SLC35F1: variants seen among roughly 807,000 people sequenced by gnomAD.
SLC35F1 encodes solute carrier family 35 member F1.
Under a neutral mutation model 48.7 loss-of-function variants are expected in SLC35F1, and 14 were observed. That is an observed-to-expected ratio of 0.29 (90% CI 0.19 to 0.45). The LOEUF (loss-of-function observed/expected upper bound fraction) is 0.45. Ranked by LOEUF, SLC35F1 falls within the 20% of genes least tolerant of loss-of-function variation. The pLI, the probability that SLC35F1 is intolerant of heterozygous loss-of-function variation, is 1.00. For missense variants in SLC35F1, 404 were observed against 500.0 expected, an observed-to-expected ratio of 0.81 and a Z score of 1.83; for synonymous variants, 190 against 202.2, an observed-to-expected ratio of 0.94 and a Z score of 0.51.
chr6:118,245,613 C>A (rs1470635449), intron 3 of SLC35F1, among the ~76,000 whole-genome samples: 1 of 152,192 alleles, frequency 6.6e-6, no homozygotes, highest in African/African-American at 2.4e-5. Flanking sequence ...GATGTGAATG[C>A]ATTTGGTTTC....
chr6:118,158,003 A>T (rs2114474856), intron 2 of SLC35F1, among the ~76,000 whole-genome samples: 1 of 152,298 alleles, frequency 6.6e-6, no homozygotes, highest in South Asian at 2.1e-4. Context: ...GAGGCTAAGG[A>T]CTAGGAGCAG....
rs1316086774 is a variant in SLC35F1 at position 118,112,781 on chromosome 6, G to A, written c.174-41664G>A. 1.6e-4 allele frequency among the ~76,000 whole-genome samples: 25 copies of A among 152,220 alleles called. 1 individual carries two copies. The highest frequency in any genetic ancestry group is 1.3e-3 in the Admixed American group (20 of 15,290). On this transcript the variant is annotated intron_variant, in intron 1 of 7. Coordinates refer to ENST00000360388, the MANE Select transcript of SLC35F1 (RefSeq NM_001029858.4). ...ATGTAAAATGCTTAAAACCGAAGAA[G>A]CCAGAAAAAGAGTGGAAGACAACCA...
chr6:118,110,407 C>G (rs2484142), intron 1 of SLC35F1, among the ~76,000 whole-genome samples: 4,740 of 152,158 alleles, frequency 0.031, 179 homozygotes, highest in African/African-American at 0.08. Flanking sequence ...TCAGGGAGAA[C>G]TGACATGAGA....
At chr6:118,308,997 G>A (rs1255587475) in intron 7 of SLC35F1, among the ~76,000 whole-genome samples, 1 of 152,120 alleles carries the variant, frequency 6.6e-6, no homozygotes, top group Non-Finnish European at 1.5e-5. Context: ...GATAGCCTTG[G>A]GAACATCTGA....
At chr6:118,262,766 G>T (rs1339858351) in intron 3 of SLC35F1, among the ~76,000 whole-genome samples, 2 of 152,126 alleles carry the variant, frequency 1.3e-5, no homozygotes, top group Non-Finnish European at 2.9e-5. Context: ...CAAACTTAAT[G>T]CAACCAACTG....
intron 2 of SLC35F1, among the ~76,000 whole-genome samples, chr6:118,158,196 A>G (rs1318932019): frequency 6.6e-6 from 1 of 152,204 alleles, no homozygotes; most frequent in Admixed American, 6.5e-5. Context: ...CCTCAGAATG[A>G]TTATTTGTTT....
At chr6:118,313,884 T>C (rs1047534328) in intron 7 of SLC35F1, 144 bp from the exon 8 acceptor site, 44 of 705,886 alleles carry the variant, frequency 6.2e-5, no homozygotes, top group Middle Eastern at 3.8e-4. Flanking sequence ...ATGAGAAAAT[T>C]CATTCTCCAT....
chr6:118,147,468 T>C (rs1352957398), intron 1 of SLC35F1, among the ~76,000 whole-genome samples: 1 of 152,098 alleles, frequency 6.6e-6, no homozygotes, highest in Non-Finnish European at 1.5e-5. Flanking sequence ...TGAGAGACAC[T>C]GGAGATAGGT....
chr6:118,059,768 T>A (rs551036709), intron 1 of SLC35F1, among the ~76,000 whole-genome samples: 2 of 152,134 alleles, frequency 1.3e-5, no homozygotes, highest in Non-Finnish European at 2.9e-5. Context: ...AAACAGAGAA[T>A]CTCAAAATTT....
At chr6:118,139,863 T>A (rs1442964078) in intron 1 of SLC35F1, among the ~76,000 whole-genome samples, 1 of 152,196 alleles carries the variant, frequency 6.6e-6, no homozygotes, top group Non-Finnish European at 1.5e-5. Flanking sequence ...GAGCATTAAA[T>A]GGCTGTAAAA....
intron 1 of SLC35F1, among the ~76,000 whole-genome samples, chr6:118,125,380 G>T (rs897300911): frequency 2.0e-5 from 3 of 149,724 alleles, no homozygotes; most frequent in African/African-American, 4.9e-5. Flanking sequence ...GTATTTTGGG[G>T]GGGGGGATCA....
At chr6:117,973,005 A>G (rs1251135978) in intron 1 of SLC35F1, among the ~76,000 whole-genome samples, 3 of 152,232 alleles carry the variant, frequency 2.0e-5, no homozygotes, top group Non-Finnish European at 4.4e-5. Flanking sequence ...CTGTTACAGT[A>G]TCTGTTAGGA....
At chr6:118,261,560 G>A (rs1775712570) in intron 3 of SLC35F1, among the ~76,000 whole-genome samples, 1 of 152,198 alleles carries the variant, frequency 6.6e-6, no homozygotes. Context: ...GCACACAGGG[G>A]CTGGGGCTTT....
chr6:117,944,037 A>G (rs1776264807), intron 1 of SLC35F1, among the ~76,000 whole-genome samples: 1 of 152,194 alleles, frequency 6.6e-6, no homozygotes, highest in Non-Finnish European at 1.5e-5. Flanking sequence ...AAGTGTGAAA[A>G]AAAGCACTAA....
At chr6:118,019,034 G>C (rs1212486557) in intron 1 of SLC35F1, among the ~76,000 whole-genome samples, 1 of 152,120 alleles carries the variant, frequency 6.6e-6, no homozygotes, top group Non-Finnish European at 1.5e-5. Flanking sequence ...CAGTGGAGTT[G>C]CTATTCTTCA....
intron 1 of SLC35F1, chr6:117,998,881 C>A (rs1777041536): frequency 6.0e-6 from 4 of 662,708 alleles, no homozygotes; most frequent in Non-Finnish European, 1.1e-5. Flanking sequence ...AAAGCAAGAG[C>A]AAACACATTC....
chr6:118,258,959 T>C (rs1421874242), intron 3 of SLC35F1, among the ~76,000 whole-genome samples: 1 of 151,894 alleles, frequency 6.6e-6, no homozygotes, highest in Non-Finnish European at 1.5e-5. Context: ...GTTGACTACT[T>C]CGCTGATTTG....
At chr6:118,201,082 T>G (rs959113665) in intron 2 of SLC35F1, among the ~76,000 whole-genome samples, 2 of 152,176 alleles carry the variant, frequency 1.3e-5, no homozygotes, top group African/African-American at 4.8e-5. Context: ...CAGCTAATTA[T>G]TTCTTATTTA....
At chr6:118,102,952 T>A (rs1773279189) in intron 1 of SLC35F1, among the ~76,000 whole-genome samples, 1 of 152,040 alleles carries the variant, frequency 6.6e-6, no homozygotes, top group Non-Finnish European at 1.5e-5. Flanking sequence ...TGCTTAATAG[T>A]CTGGAGTAAG....
Sources: gnomAD v4.1 joint callset for allele counts (sites outside exome capture counted in the v4.1 genomes callset) on GRCh38, gnomAD v4.1.1 for gene constraint, MANE v1.5 for transcripts, NCBI Gene and HGNC (gene_info 2026-07-23, HGNC 2026-07-21) for gene names.